Variants in SLIT2 observed in about 807,000 individuals in gnomAD.
The protein encoded by SLIT2 is slit homolog 2 protein.
A neutral mutation model predicts 185.7 loss-of-function variants in SLIT2; 41 were observed. That is an observed-to-expected ratio of 0.22 (90% CI 0.17 to 0.29). SLIT2 has a LOEUF of 0.29. Ranked by LOEUF, SLIT2 falls within the 10% of genes least tolerant of loss-of-function variation. The pLI is 1.00. For missense variants in SLIT2, 1,571 were observed against 1,909.0 expected (o/e 0.82, Z 3.30); for synonymous variants, 693 against 680.2 (o/e 1.02, Z -0.29).
intron 4 of SLIT2, among the ~76,000 whole-genome samples, chr4:20,418,653 TA>T (rs974033216): frequency 3.3e-5 from 5 of 152,212 alleles, no homozygotes; most frequent in African/African-American, 1.2e-4. Context: ...AAAGACTTTT[TA>T]AATTAATACC....
chr4:20,549,524 A>G (rs28684773), intron 24 of SLIT2, among the ~76,000 whole-genome samples: 240 of 152,162 alleles, frequency 1.6e-3, no homozygotes, highest in African/African-American at 5.6e-3. Flanking sequence ...TGTGAAATAA[A>G]ACATGATCCT....
At chr4:20,500,602 C>A (rs554709601) in intron 9 of SLIT2, among the ~76,000 whole-genome samples, 1 of 152,084 alleles carries the variant, frequency 6.6e-6, no homozygotes, top group Non-Finnish European at 1.5e-5. Flanking sequence ...ATAATAAAAA[C>A]CTTCTTTATG....
At chr4:20,325,952 A>G (rs1577436324) in intron 4 of SLIT2, among the ~76,000 whole-genome samples, 1 of 152,244 alleles carries the variant, frequency 6.6e-6, no homozygotes, top group East Asian at 1.9e-4. Context: ...TTTCTCTGGC[A>G]GCCAAAAATT....
chr4:20,596,819 C>T (rs1016813844), intron 32 of SLIT2, among the ~76,000 whole-genome samples, 164 bp downstream of exon 32: 2 of 152,036 alleles, frequency 1.3e-5, no homozygotes, highest in East Asian at 1.9e-4. Context: ...TTCTCTTCAA[C>T]ATTTGTATTT....
At chr4:20,450,440 G>T (rs957403461) in intron 4 of SLIT2, among the ~76,000 whole-genome samples, 4 of 152,034 alleles carry the variant, frequency 2.6e-5, no homozygotes, top group African/African-American at 9.7e-5. Flanking sequence ...CATTTCCAAT[G>T]GTATATAACT....
At chr4:20,537,982 C>T (rs1440492283) in intron 18 of SLIT2, among the ~76,000 whole-genome samples, 4 of 152,224 alleles carry the variant, frequency 2.6e-5, no homozygotes, top group East Asian at 1.9e-4. Flanking sequence ...TTATTTGAGA[C>T]GGAGTCTCGC....
chr4:20,336,572 C>G (rs141934843), intron 4 of SLIT2, among the ~76,000 whole-genome samples: 1 of 152,086 alleles, frequency 6.6e-6, no homozygotes, highest in Non-Finnish European at 1.5e-5. Flanking sequence ...AATAGAAATA[C>G]CTAATGTAGA....
At chr4:20,450,528 T>C (rs1712355889) in intron 4 of SLIT2, among the ~76,000 whole-genome samples, 2 of 152,148 alleles carry the variant, frequency 1.3e-5, no homozygotes, top group Non-Finnish European at 2.9e-5. Context: ...AACACATGAC[T>C]CACTCCAGAT....
intron 4 of SLIT2, among the ~76,000 whole-genome samples, chr4:20,416,326 A>G (rs1727683250): frequency 6.6e-6 from 1 of 152,164 alleles, no homozygotes; most frequent in Admixed American, 6.5e-5. Context: ...GTGTCCTCAC[A>G]TGGCCTTTTC....
At chr4:20,260,461 A>C (rs1712334270) in intron 3 of SLIT2, among the ~76,000 whole-genome samples, 1 of 151,880 alleles carries the variant, frequency 6.6e-6, no homozygotes, top group Non-Finnish European at 1.5e-5. Context: ...TGAAGAACAA[A>C]ATAAAATAAA....
intron 4 of SLIT2, among the ~76,000 whole-genome samples, chr4:20,284,736 C>T (rs1414722181): frequency 6.6e-6 from 1 of 152,184 alleles, no homozygotes; most frequent in Non-Finnish European, 1.5e-5. Context: ...GGCTGTCCTA[C>T]AACACTTTTT....
At chr4:20,616,705 A>C in intron 34 of SLIT2, 1 of 468,800 alleles carries the variant, frequency 2.1e-6, no homozygotes, top group Non-Finnish European at 3.8e-6. Context: ...GTTGTGGATT[A>C]GAATTTCCTG....
chr4:20,321,048 G>T (rs1719033798), intron 4 of SLIT2, among the ~76,000 whole-genome samples: 1 of 152,106 alleles, frequency 6.6e-6, no homozygotes, highest in South Asian at 2.1e-4. Context: ...CCAGCTACTT[G>T]AAAGGGAGGC....
Position 20,595,418 on chromosome 4 carries a change from G to A in SLIT2, c.3183-279G>A, listed in dbSNP as rs79188239. 2.1e-3 allele frequency among the ~76,000 whole-genome samples: 312 copies of A among 152,112 alleles called. 10 individuals are homozygous for A. In the East Asian group the frequency reaches 0.046, roughly 23 times the overall value. On this transcript the variant is annotated intron_variant, in intron 30 of 36. Transcript: ENST00000504154. ...GAAGGAAGAGGGAGGAGAGTGGGTG[G>A]GAGGGAGTGACCCTGCTACAATTAC...
chr4:20,463,513 A>T (rs1236262841), intron 4 of SLIT2, among the ~76,000 whole-genome samples: 2 of 99,598 alleles, frequency 2.0e-5, no homozygotes, highest in Admixed American at 1.2e-4. Context: ...GTATATCCAT[A>T]TATGTGTGTG....
At chr4:20,514,367 G>A (rs1560491116) in intron 11 of SLIT2, among the ~76,000 whole-genome samples, 2 of 152,120 alleles carry the variant, frequency 1.3e-5, no homozygotes, top group South Asian at 2.1e-4. Flanking sequence ...TCAGCCAGGC[G>A]TGGTGGCTCA....
chr4:20,423,211 T>C (rs1281518901), intron 4 of SLIT2, among the ~76,000 whole-genome samples: 1 of 152,052 alleles, frequency 6.6e-6, no homozygotes, highest in Non-Finnish European at 1.5e-5. Flanking sequence ...GGGATGATCT[T>C]ATTTTGTTTA....
chr4:20,271,658 T>C (rs1253905536), intron 4 of SLIT2, among the ~76,000 whole-genome samples: 1 of 151,786 alleles, frequency 6.6e-6, no homozygotes, highest in Non-Finnish European at 1.5e-5. Context: ...TATTGTATAC[T>C]TTATTCATAC....
chr4:20,482,857 T>G (rs1232114452), intron 6 of SLIT2, among the ~76,000 whole-genome samples: 1 of 151,910 alleles, frequency 6.6e-6, no homozygotes, highest in African/African-American at 2.4e-5. Flanking sequence ...CCTCATACTT[T>G]AAACAACCCC....
Sources: allele counts gnomAD v4.1 joint callset (sites outside exome capture counted in the v4.1 genomes callset), GRCh38; gene constraint gnomAD v4.1.1; transcripts MANE v1.5; gene names NCBI Gene and HGNC (gene_info 2026-07-23, HGNC 2026-07-21).